TNC: variants seen among roughly 807,000 people sequenced by gnomAD.
TNC encodes tenascin C, also known as tenascin.
Under a neutral mutation model 202.4 loss-of-function variants are expected in TNC, and 109 were observed. The ratio of observed to expected loss-of-function variants is 0.54; its 90% CI spans 0.46 to 0.63. The LOEUF is 0.63. TNC is among the 30% of genes least tolerant of loss of function. TNC has a pLI of 0.00. For synonymous variants in TNC, 1,007 were observed against 1,089.7 expected (o/e 0.92, Z 1.50); for missense variants, 2,756 against 2,833.3 (o/e 0.97, Z 0.62).
chr9:115,024,225 A>AGGTG (rs1829303525), intron 26 of TNC, 89 bp from the exon 27 acceptor site: 1 of 1,430,530 alleles, frequency 7.0e-7, no homozygotes, highest in Non-Finnish European at 9.7e-7. Flanking sequence ...GTGACAATTG[A>AGGTG]AAGGTTCTGG....
At position 115,108,272 on chromosome 9, in the gene TNC, C is replaced by T. The variant is rs372850176; in HGVS notation, c.-137+9710G>A. Among the ~76,000 whole-genome samples the T allele has an allele frequency of 1.8e-4, 28 of 152,278 alleles. 1 individual carries two copies. Among genetic ancestry groups the T allele is most frequent in the African/African-American group, 6.7e-4 (28 of 41,568 alleles). On this transcript the variant is annotated intron_variant, in intron 1 of 27. Transcript: ENST00000350763. ...CTCCAGTGAAGAATTTCCCAGACTA[C>T]GTTGCAAGATGTTTTTAGGTAGATG...
chr9:115,080,383 T>C (rs1834214414), intron 6 of TNC, among the ~76,000 whole-genome samples: 1 of 152,148 alleles, frequency 6.6e-6, no homozygotes, highest in Non-Finnish European at 1.5e-5. Flanking sequence ...GTCAGGATGA[T>C]GGAAAACACT....
At chr9:115,044,262 T>TA (rs3838332) in intron 17 of TNC, among the ~76,000 whole-genome samples, 15,476 of 142,564 alleles carry the variant, frequency 0.11, 799 homozygotes, top group Middle Eastern at 0.17. Flanking sequence ...GAGAAAGGAT[T>TA]AAAAAAAAAA....
intron 17 of TNC, among the ~76,000 whole-genome samples, 165 bp downstream of exon 17, chr9:115,046,245 A>G (rs1203323040): frequency 2.0e-5 from 3 of 152,074 alleles, no homozygotes; most frequent in Non-Finnish European, 2.9e-5. Context: ...TTTTTTGCAT[A>G]AGGACTTAGC....
intron 1 of TNC, among the ~76,000 whole-genome samples, chr9:115,098,466 C>T (rs1471731014): frequency 6.6e-6 from 1 of 152,160 alleles, no homozygotes; most frequent in Non-Finnish European, 1.5e-5. Flanking sequence ...AAGATCATTG[C>T]TAGACGAAGA....
intron 26 of TNC, among the ~76,000 whole-genome samples, chr9:115,025,508 C>T (rs1829407972): frequency 6.6e-6 from 1 of 152,150 alleles, no homozygotes; most frequent in Admixed American, 6.5e-5. Context: ...CAGAAAGCCA[C>T]CCAAAGTGGG....
At chr9:115,100,712 G>A (rs1361316810) in intron 1 of TNC, among the ~76,000 whole-genome samples, 1 of 152,148 alleles carries the variant, frequency 6.6e-6, no homozygotes, top group Non-Finnish European at 1.5e-5. Context: ...TGCTAAGATA[G>A]TAGTAGACCT....
chr9:115,076,063 C>G lies in TNC; in HGVS notation c.2919G>C (p.Glu973Asp), dbSNP rs1310694149. The G allele has an allele frequency of 6.2e-7, 1 of 1,614,032 alleles. No homozygotes were observed. Among genetic ancestry groups the G allele is most frequent in the African/African-American group, 1.3e-5 (1 of 74,920 alleles). ...CTGCGTTGATGGTCGCTGGATTGCTCTCCTTGTCTTCCTTCACAGCAGAAA... is the reference window on the plus strand; with the variant it reads ...CTGCGTTGATGGTCGCTGGATTGCTGTCCTTGTCTTCCTTCACAGCAGAAA... ...IGVSAVKEDK[E>D]SNPATINAAT... Residue 973 changes from glutamate to aspartate, a missense_variant, in exon 9 of 28, where the codon GAG becomes GAC. Glu to Asp is a conservative substitution (Grantham distance 45). This residue lies in a region of TNC where 2,559 missense variants were observed against 2,546.0 expected (regional missense o/e 1.01). Coordinates refer to ENST00000350763, the MANE Select transcript of TNC (RefSeq NM_002160.4).
At chr9:115,084,675 G>A (rs950700410) in intron 3 of TNC, among the ~76,000 whole-genome samples, 22 of 152,142 alleles carry the variant, frequency 1.4e-4, no homozygotes, top group Non-Finnish European at 2.5e-4. Flanking sequence ...ATTTCCTTCA[G>A]GCTGGAGTCC....
Position 115,057,418 on chromosome 9 carries a change from T to G in TNC, c.4314A>C (p.Glu1438Asp). The G allele has an allele frequency of 6.2e-7, 1 of 1,607,386 alleles. No homozygotes were observed. The highest frequency in any genetic ancestry group is 8.5e-7 in the Non-Finnish European group (1 of 1,178,512). ...AAACATTTAAGTTTCCAATTTCAGG[T>G]TCTTTGGCTGTAAAAGGAAGGGGTA... ...VLSAEASTAK[E>D]PEIGNLNVSD... Residue 1438 changes from glutamate to aspartate, a missense_variant, in exon 15 of 28, where the codon GAA (glutamate) becomes GAC (aspartate). Transcript: ENST00000350763.
At chr9:115,062,806 G>T in intron 13 of TNC, 111 bp downstream of exon 13, 1 of 1,252,930 alleles carries the variant, frequency 8.0e-7, no homozygotes, top group Non-Finnish European at 1.1e-6. Flanking sequence ...AGAGATTCAC[G>T]CTGTCTGTCA....
intron 1 of TNC, among the ~76,000 whole-genome samples, chr9:115,110,370 C>G (rs1836944401): frequency 6.6e-6 from 1 of 151,850 alleles, no homozygotes; most frequent in South Asian, 2.1e-4. Flanking sequence ...ATCTTGAGGC[C>G]CAGGAATGTT....
intron 1 of TNC, among the ~76,000 whole-genome samples, chr9:115,101,274 C>T (rs1022276633): frequency 2.0e-5 from 3 of 152,172 alleles, no homozygotes; most frequent in South Asian, 2.1e-4. Flanking sequence ...TGCAGTGGTG[C>T]GATCTCAGCT....
chr9:115,074,152 C>T (rs1021458237), intron 9 of TNC, among the ~76,000 whole-genome samples: 2 of 152,184 alleles, frequency 1.3e-5, no homozygotes, highest in Non-Finnish European at 1.5e-5. Context: ...AAGGAACCAA[C>T]TATTGATAAA....
At chr9:115,079,558 T>G (rs1020147308) in intron 6 of TNC, among the ~76,000 whole-genome samples, 4 of 152,146 alleles carry the variant, frequency 2.6e-5, no homozygotes, top group Non-Finnish European at 4.4e-5. Flanking sequence ...GACACTGATA[T>G]CCCCCTAGAT....
At chr9:115,052,569 A>G (rs1218125085) in intron 15 of TNC, among the ~76,000 whole-genome samples, 3 of 152,224 alleles carry the variant, frequency 2.0e-5, no homozygotes, top group Admixed American at 2.0e-4. Flanking sequence ...ATGTATATGT[A>G]TATCAAAACA....
rs553109169 is a variant in TNC, at chr9:115,050,850, G to C, written c.4580-2318C>G. On this transcript the variant is annotated intron_variant, in intron 15 of 27. Coordinates refer to ENST00000350763, the MANE Select transcript of TNC (RefSeq NM_002160.4). ...CATAAGGAAATTAGGGTTCAAACAAGTTAAGAACTTGCTAAAATTATGTAG... is the reference window on the plus strand; with the variant it reads ...CATAAGGAAATTAGGGTTCAAACAACTTAAGAACTTGCTAAAATTATGTAG... Among the ~76,000 whole-genome samples, 10 of 152,298 alleles carry C rather than the reference G, an allele frequency of 6.6e-5. No homozygotes were observed. In the East Asian group the frequency reaches 1.9e-3, roughly 29 times the overall value.
chr9:115,037,872 T>A (rs1830449969), intron 20 of TNC, among the ~76,000 whole-genome samples: 1 of 152,198 alleles, frequency 6.6e-6, no homozygotes, highest in African/African-American at 2.4e-5. Flanking sequence ...CTAGCTTCTT[T>A]TGTGGTCTCT....
chr9:115,096,576 G>A (rs1267515085), intron 1 of TNC, among the ~76,000 whole-genome samples: 6 of 152,168 alleles, frequency 3.9e-5, no homozygotes, highest in Admixed American at 3.9e-4. Context: ...ATGTTGTTAA[G>A]TTTCTTGACT....
Sources: gnomAD v4.1 joint callset for allele counts (sites outside exome capture counted in the v4.1 genomes callset) on GRCh38, gnomAD v4.1.1 for gene constraint, gnomAD v4.1.1 regional missense constraint, MANE v1.5 for transcripts, NCBI Gene and HGNC (gene_info 2026-07-23, HGNC 2026-07-21) for gene names.